Variants in ACSS3 observed in about 807,000 individuals in gnomAD.
The protein encoded by ACSS3 is acyl-CoA synthetase short chain family member 3, also known as acyl-CoA synthetase short-chain family member 3, mitochondrial.
ACSS3 carries 64 observed loss-of-function variants against 84.2 expected under a neutral mutation model. The observed-to-expected ratio is 0.76, with a 90% CI of 0.62 to 0.94. The LOEUF is 0.94. ACSS3 is among the 40% of genes least tolerant of loss of function. ACSS3 has a pLI of 0.00. For missense variants in ACSS3, 815 were observed against 867.6 expected (o/e 0.94, Z 0.76); for synonymous variants, 317 against 310.1 (o/e 1.02, Z -0.23).
intron 8 of ACSS3, among the ~76,000 whole-genome samples, chr12:81,194,716 A>C (rs1055465505): frequency 8.6e-5 from 13 of 152,030 alleles, no homozygotes; most frequent in African/African-American, 3.1e-4. Context: ...TATACTGCAA[A>C]AACACAGTAA....
chr12:81,249,272 G>A (rs1311500591), intron 13 of ACSS3, among the ~76,000 whole-genome samples: 2 of 151,998 alleles, frequency 1.3e-5, no homozygotes, highest in Non-Finnish European at 2.9e-5. Flanking sequence ...GACTGCTGTG[G>A]CTTTTCATGT....
chr12:81,108,257 TATTATTA>T (rs1238864887), intron 1 of ACSS3, among the ~76,000 whole-genome samples: 3 of 117,118 alleles, frequency 2.6e-5, no homozygotes, highest in Non-Finnish European at 6.2e-5. Context: ...CTATTATTAT[TATTATTA>T]ATTATTATTA....
intron 2 of ACSS3, among the ~76,000 whole-genome samples, chr12:81,132,564 C>A (rs1171013875): frequency 6.6e-6 from 1 of 151,982 alleles, no homozygotes; most frequent in Admixed American, 6.6e-5. Flanking sequence ...TTTTGTTGAT[C>A]TTTTCAAAAA....
intron 9 of ACSS3, among the ~76,000 whole-genome samples, chr12:81,213,948 TCC>T (rs1491372702): frequency 2.4e-3 from 114 of 48,066 alleles, no homozygotes; most frequent in Middle Eastern, 0.02. Context: ...TCTCTCTCTC[TCC>T]CTCTCTCTCT....
intron 1 of ACSS3, among the ~76,000 whole-genome samples, chr12:81,091,203 G>A (rs1347368314): frequency 6.6e-6 from 1 of 151,818 alleles, no homozygotes; most frequent in Non-Finnish European, 1.5e-5. Context: ...GAGATTCCAA[G>A]GATCTCAGAT....
At position 81,243,063 on chromosome 12, in the gene ACSS3, C is replaced by A. The variant is rs562503962; in HGVS notation, c.1719+9592C>A. 1.8e-3 allele frequency among the ~76,000 whole-genome samples: 270 copies of A among 152,110 alleles called. 2 individuals carry two copies. Among genetic ancestry groups the A allele is most frequent in the African/African-American group, 6.0e-3 (251 of 41,510 alleles). On this transcript the variant is annotated intron_variant, in intron 13 of 15. Coordinates refer to ENST00000548058, the MANE Select transcript of ACSS3 (RefSeq NM_024560.4). ...GTATTCAATTAGGAAAAGAGGAAGTCAAATTGTCCCTGTTTGCAGATGACA... is the reference window on the plus strand; with the variant it reads ...GTATTCAATTAGGAAAAGAGGAAGTAAAATTGTCCCTGTTTGCAGATGACA...
chr12:81,112,993 A>G (rs1477870191), intron 2 of ACSS3, among the ~76,000 whole-genome samples: 5 of 152,064 alleles, frequency 3.3e-5, no homozygotes, highest in African/African-American at 1.2e-4. Flanking sequence ...ATTTTAAATA[A>G]CCCTTTATTA....
chr12:81,101,490 G>A (rs1184872048), intron 1 of ACSS3, among the ~76,000 whole-genome samples: 1 of 151,850 alleles, frequency 6.6e-6, no homozygotes, highest in African/African-American at 2.4e-5. Context: ...TTTCCATACT[G>A]CTTGTGCATT....
chr12:81,129,341 A>G (rs989944255), intron 2 of ACSS3, among the ~76,000 whole-genome samples: 13 of 150,538 alleles, frequency 8.6e-5, no homozygotes, highest in Admixed American at 6.7e-4. Flanking sequence ...ATGAAAAAAA[A>G]TGCAAGCTGT....
intron 13 of ACSS3, among the ~76,000 whole-genome samples, chr12:81,252,443 A>G (rs2034183302): frequency 6.6e-6 from 1 of 152,118 alleles, no homozygotes; most frequent in South Asian, 2.1e-4. Context: ...AGAAAGAACA[A>G]GGACTGCCAG....
At chr12:81,253,454 T>C in intron 14 of ACSS3, 41 bp from the exon 15 acceptor site, 1 of 1,611,542 alleles carries the variant, frequency 6.2e-7, no homozygotes, top group East Asian at 2.2e-5. Context: ...AATAATTAAC[T>C]AAGGTTAATT....
chr12:81,163,388 A>G (rs1176785664), intron 7 of ACSS3, among the ~76,000 whole-genome samples: 1 of 152,222 alleles, frequency 6.6e-6, no homozygotes, highest in East Asian at 1.9e-4. Context: ...TGATGCTGGT[A>G]TAAACAAACC....
chr12:81,208,038 T>C (rs781298289), intron 9 of ACSS3, among the ~76,000 whole-genome samples: 1 of 152,178 alleles, frequency 6.6e-6, no homozygotes, highest in South Asian at 2.1e-4. Context: ...AAAGATTACA[T>C]TGATTTTCTT....
chr12:81,250,877 A>G (rs1418632621), intron 13 of ACSS3, among the ~76,000 whole-genome samples: 1 of 152,140 alleles, frequency 6.6e-6, no homozygotes, highest in Non-Finnish European at 1.5e-5. Context: ...GCAAAGTATT[A>G]TTTTTCATGA....
intron 7 of ACSS3, among the ~76,000 whole-genome samples, chr12:81,157,487 C>T (rs1202927584): frequency 1.3e-5 from 2 of 152,144 alleles, no homozygotes; most frequent in Non-Finnish European, 1.5e-5. Context: ...TTCAACATAT[C>T]TGTGGAAGTT....
intron 9 of ACSS3, among the ~76,000 whole-genome samples, chr12:81,202,266 G>A (rs557017084): frequency 3.3e-5 from 5 of 151,770 alleles, no homozygotes; most frequent in South Asian, 2.1e-4. Context: ...GTGATAGAGC[G>A]AGACTCTGTC....
At chr12:81,081,157 T>G (rs1245929267) in intron 1 of ACSS3, among the ~76,000 whole-genome samples, 1 of 152,212 alleles carries the variant, frequency 6.6e-6, no homozygotes, top group African/African-American at 2.4e-5. Context: ...ATCAAAAGTC[T>G]CAGCATATAA....
intron 9 of ACSS3, chr12:81,199,716 G>T: frequency 7.4e-7 from 1 of 1,347,514 alleles, no homozygotes; most frequent in South Asian, 1.2e-5. Flanking sequence ...TATCTGGTAA[G>T]TTACTAAGTC....
chr12:81,145,785 C>T (rs910897732), intron 5 of ACSS3, among the ~76,000 whole-genome samples: 1 of 152,116 alleles, frequency 6.6e-6, no homozygotes, highest in Non-Finnish European at 1.5e-5. Context: ...CATGAAGATG[C>T]CCAGTCAAGA....
Sources: gnomAD v4.1 joint callset for allele counts (sites outside exome capture counted in the v4.1 genomes callset) on GRCh38, gnomAD v4.1.1 for gene constraint, MANE v1.5 for transcripts, NCBI Gene and HGNC (gene_info 2026-07-23, HGNC 2026-07-21) for gene names.